Variants in TECRL observed in about 807,000 individuals in gnomAD.
TECRL encodes trans-2,3-enoyl-CoA reductase like.
TECRL carries 63 observed loss-of-function variants against 52.8 expected under a neutral mutation model. The observed-to-expected ratio is 1.19, with a 90% CI of 0.97 to 1.47. The LOEUF (loss-of-function observed/expected upper bound fraction) is 1.47. TECRL is among the 40% of genes most tolerant of loss of function. The pLI is 0.00. For missense variants in TECRL, 482 were observed against 429.6 expected, an observed-to-expected ratio of 1.12 and a Z score of -1.08; for synonymous variants, 164 against 141.9, an observed-to-expected ratio of 1.16 and a Z score of -1.10.
At chr4:64,296,528 T>A (rs540120590) in intron 8 of TECRL, among the ~76,000 whole-genome samples, 75 of 151,938 alleles carry the variant, frequency 4.9e-4, no homozygotes, top group Non-Finnish European at 9.6e-4. Flanking sequence ...TATGCTATTA[T>A]CAATTTCTTC....
chr4:64,314,826 T>C (rs1577857002), intron 4 of TECRL, 63 bp from the exon 5 acceptor site: 2 of 1,162,650 alleles, frequency 1.7e-6, no homozygotes, highest in Non-Finnish European at 1.3e-6. Context: ...TTCATTTGTG[T>C]CTATGAGTAT....
intron 6 of TECRL, among the ~76,000 whole-genome samples, chr4:64,308,105 C>T (rs1724445788): frequency 6.6e-6 from 1 of 152,016 alleles, no homozygotes. Context: ...GGTTAACACT[C>T]CAGAGTGGGG....
At chr4:64,292,384 C>T (rs938307840) in intron 8 of TECRL, among the ~76,000 whole-genome samples, 5 of 151,858 alleles carry the variant, frequency 3.3e-5, no homozygotes, top group Admixed American at 1.3e-4. Flanking sequence ...TGAGATGCTA[C>T]GTATTACCTA....
chr4:64,344,360 G>T (rs1719802571), intron 2 of TECRL, among the ~76,000 whole-genome samples: 1 of 151,958 alleles, frequency 6.6e-6, no homozygotes, highest in South Asian at 2.1e-4. Context: ...GATATTTGAT[G>T]TTATATTTTT....
intron 2 of TECRL, among the ~76,000 whole-genome samples, chr4:64,341,668 A>G (rs1429598464): frequency 2.0e-5 from 3 of 152,134 alleles, no homozygotes; most frequent in African/African-American, 7.2e-5. Context: ...AGAAGGAGAG[A>G]AAAGCTGCAG....
chr4:64,300,191 T>A lies in TECRL; in HGVS notation c.731-174A>T, dbSNP rs13121693. Among the ~76,000 whole-genome samples the A allele has an allele frequency of 0.34, 51,609 of 150,022 alleles. 11,097 individuals are homozygous for A. The highest frequency in any genetic ancestry group is 0.57 in the East Asian group (2,901 of 5,122). ...TTGCAATCTAAAGTGTTGACTTTTT[T>A]TTCACATGTACTTTTGTTATTAACA... On this transcript the variant is annotated intron_variant, in intron 7 of 11. Transcript: ENST00000381210.
At chr4:64,376,200 G>T (rs945820708) in intron 1 of TECRL, among the ~76,000 whole-genome samples, 1 of 151,598 alleles carries the variant, frequency 6.6e-6, no homozygotes, top group Non-Finnish European at 1.5e-5. Flanking sequence ...AACATATTTC[G>T]CCTTCTACTT....
At chr4:64,305,126 T>A (rs1451522437) in intron 7 of TECRL, 40 bp downstream of exon 7, 2 of 1,467,880 alleles carry the variant, frequency 1.4e-6, no homozygotes, top group South Asian at 1.3e-5. Context: ...TTTAGGTTGG[T>A]CCTTTAGTAT....
At chr4:64,386,279 ATAT>A (rs2109729820) in intron 1 of TECRL, among the ~76,000 whole-genome samples, 1 of 152,276 alleles carries the variant, frequency 6.6e-6, no homozygotes, top group African/African-American at 2.4e-5. Flanking sequence ...AGAAAAGACA[ATAT>A]TATTAAGAAA....
At chr4:64,363,174 A>G (rs1002658487) in intron 2 of TECRL, among the ~76,000 whole-genome samples, 8 of 152,134 alleles carry the variant, frequency 5.3e-5, no homozygotes, top group Non-Finnish European at 8.8e-5. Context: ...CACTGTAAAT[A>G]CCAGATTAAT....
At chr4:64,367,020 T>C (rs534043656) in intron 2 of TECRL, among the ~76,000 whole-genome samples, 4 of 152,262 alleles carry the variant, frequency 2.6e-5, no homozygotes, top group Non-Finnish European at 5.9e-5. Context: ...AAAGAAAATA[T>C]GGTACATATA....
At chr4:64,335,602 A>T (rs1719014525) in intron 2 of TECRL, among the ~76,000 whole-genome samples, 1 of 152,118 alleles carries the variant, frequency 6.6e-6, no homozygotes, top group Admixed American at 6.5e-5. Flanking sequence ...TGGTGCCAAA[A>T]AGGTTGGGGA....
intron 1 of TECRL, among the ~76,000 whole-genome samples, chr4:64,400,660 T>C (rs1316366031): frequency 6.6e-6 from 1 of 152,148 alleles, no homozygotes; most frequent in Non-Finnish European, 1.5e-5. Context: ...CTTGGCACTG[T>C]CCTCTTCATA....
At chr4:64,336,624 C>A (rs112196975) in intron 2 of TECRL, among the ~76,000 whole-genome samples, 93,232 of 152,006 alleles carry the variant, frequency 0.61, 31,903 homozygotes, top group Non-Finnish European at 0.76. Context: ...AGAACTTTCC[C>A]GCTTTCTCTT....
intron 2 of TECRL, among the ~76,000 whole-genome samples, chr4:64,372,126 G>C (rs938229285): frequency 1.3e-5 from 2 of 151,720 alleles, no homozygotes; most frequent in Non-Finnish European, 1.5e-5. Flanking sequence ...AACATGAATA[G>C]AGCATGATAT....
intron 2 of TECRL, among the ~76,000 whole-genome samples, chr4:64,329,331 A>C (rs1004961327): frequency 1.3e-5 from 2 of 151,986 alleles, no homozygotes; most frequent in Admixed American, 6.6e-5. Flanking sequence ...AGTATTTTTA[A>C]AGGAATTTTC....
chr4:64,388,521 C>T (rs1207804915), intron 1 of TECRL, among the ~76,000 whole-genome samples: 1 of 151,806 alleles, frequency 6.6e-6, no homozygotes, highest in Non-Finnish European at 1.5e-5. Flanking sequence ...TTTGCCTCTT[C>T]ATATATACTT....
intron 1 of TECRL, among the ~76,000 whole-genome samples, chr4:64,395,287 A>G (rs1340776912): frequency 1.3e-5 from 2 of 152,148 alleles, no homozygotes; most frequent in African/African-American, 4.8e-5. Flanking sequence ...TACTTAATCA[A>G]TTGCATACAT....
chr4:64,386,886 C>T (rs1723208928), intron 1 of TECRL, among the ~76,000 whole-genome samples: 2 of 152,144 alleles, frequency 1.3e-5, no homozygotes, highest in African/African-American at 4.8e-5. Flanking sequence ...CAACATCTCT[C>T]ACCAGTATGG....
Sources: gnomAD v4.1 joint callset for allele counts (sites outside exome capture counted in the v4.1 genomes callset) on GRCh38, gnomAD v4.1.1 for gene constraint, MANE v1.5 for transcripts, NCBI Gene and HGNC (gene_info 2026-07-23, HGNC 2026-07-21) for gene names.